Variants in PEPD observed in about 807,000 individuals in gnomAD.
The protein encoded by PEPD is peptidase D.
A neutral mutation model predicts 60.7 loss-of-function variants in PEPD; 53 were observed. The ratio of observed to expected loss-of-function variants is 0.87; its 90% confidence interval spans 0.70 to 1.10. PEPD has a LOEUF of 1.10. PEPD is among the 50% of genes least tolerant of loss of function. PEPD has a pLI of 0.00. For synonymous variants in PEPD, 267 were observed against 284.1 expected (o/e 0.94, Z 0.60); for missense variants, 711 against 711.9 (o/e 1.00, Z 0.01).
rs189519296 is a variant in PEPD at position 33,482,172 on chromosome 19, G to A, written c.504-4082C>T. ...CACACCCAAATTCCTTGCGAATAGA[G>A]ACAAAAATTTTTCAACAAAACACTA... On this transcript the variant is annotated intron_variant, in intron 6 of 14. Coordinates refer to ENST00000244137, the MANE Select transcript of PEPD (RefSeq NM_000285.4). 5.3e-5 allele frequency among the ~76,000 whole-genome samples: 8 copies of A among 152,202 alleles called. No individual in the cohort carries two copies. In the East Asian group the frequency reaches 1.5e-3, roughly 29 times the overall value.
chr19:33,488,705 C>T (rs1483126791), intron 6 of PEPD, among the ~76,000 whole-genome samples: 1 of 152,164 alleles, frequency 6.6e-6, no homozygotes, highest in African/African-American at 2.4e-5. Flanking sequence ...CGCCCCACTG[C>T]TCTTAGCATA....
intron 9 of PEPD, among the ~76,000 whole-genome samples, chr19:33,449,240 C>T (rs150761903): frequency 6.0e-4 from 92 of 152,346 alleles, no homozygotes; most frequent in African/African-American, 2.0e-3. Context: ...CCTCTGGGGT[C>T]GCCCATCTTG....
At chr19:33,437,686 C>T (rs1385405271) in intron 9 of PEPD, among the ~76,000 whole-genome samples, 1 of 152,190 alleles carries the variant, frequency 6.6e-6, no homozygotes, top group Non-Finnish European at 1.5e-5. Flanking sequence ...CTGCTAAGTG[C>T]AGAGAGCCCG....
chr19:33,473,800 T>C (rs1035160997), intron 7 of PEPD, among the ~76,000 whole-genome samples: 2 of 152,194 alleles, frequency 1.3e-5, no homozygotes, highest in African/African-American at 4.8e-5. Flanking sequence ...CAAACTGCAC[T>C]ACCCAGCACA....
At chr19:33,499,052 TGAA>T (rs2145332581) in intron 4 of PEPD, among the ~76,000 whole-genome samples, 1 of 152,200 alleles carries the variant, frequency 6.6e-6, no homozygotes, top group East Asian at 1.9e-4. Flanking sequence ...AAAACGAGAA[TGAA>T]GGAGTAGGTG....
chr19:33,413,026 C>A (rs1285339453), intron 10 of PEPD, among the ~76,000 whole-genome samples: 4 of 152,226 alleles, frequency 2.6e-5, no homozygotes, highest in African/African-American at 9.6e-5. Flanking sequence ...CACACCCAAG[C>A]GCACACACCC....
intron 3 of PEPD, 143 bp from the exon 4 acceptor site, chr19:33,501,144 G>C (rs539434691): frequency 1.4e-6 from 1 of 716,382 alleles, no homozygotes; most frequent in Non-Finnish European, 2.6e-6. Flanking sequence ...ACCCGGCACC[G>C]AACAGGTCGG....
At chr19:33,405,838 C>T (rs138414466) in intron 11 of PEPD, among the ~76,000 whole-genome samples, 12 of 152,350 alleles carry the variant, frequency 7.9e-5, no homozygotes, top group East Asian at 1.9e-4. Flanking sequence ...TCCAGGGCCT[C>T]GGCAGACAGG....
chr19:33,507,570 T>C (rs1480749682), intron 3 of PEPD, among the ~76,000 whole-genome samples: 1 of 152,104 alleles, frequency 6.6e-6, no homozygotes, highest in Non-Finnish European at 1.5e-5. Context: ...TGGATTGCAG[T>C]ATCTGCCAGA....
intron 7 of PEPD, among the ~76,000 whole-genome samples, chr19:33,471,273 A>C (rs1403901648): frequency 6.6e-6 from 1 of 152,092 alleles, no homozygotes; most frequent in African/African-American, 2.4e-5. Context: ...TCCGTAGGGC[A>C]CTCTGGGCCT....
At chr19:33,418,293 C>G (rs1968934032) in intron 9 of PEPD, among the ~76,000 whole-genome samples, 1 of 152,230 alleles carries the variant, frequency 6.6e-6, no homozygotes, top group Non-Finnish European at 1.5e-5. Flanking sequence ...ACACCACTTA[C>G]TAAGGGAAAA....
chr19:33,392,452 G>T (rs1345865745), intron 12 of PEPD, among the ~76,000 whole-genome samples: 1 of 152,228 alleles, frequency 6.6e-6, no homozygotes, highest in Non-Finnish European at 1.5e-5. Context: ...ACTCGAGGCC[G>T]GTGAGGCCTC....
chr19:33,408,718 G>A (rs1052376713), intron 11 of PEPD, among the ~76,000 whole-genome samples: 7 of 152,354 alleles, frequency 4.6e-5, no homozygotes, highest in Admixed American at 3.3e-4. Context: ...GCTCTGGGAG[G>A]CGCTCGGCTT....
chr19:33,426,071 C>T (rs536064206), intron 9 of PEPD, among the ~76,000 whole-genome samples: 4 of 152,350 alleles, frequency 2.6e-5, no homozygotes, highest in Non-Finnish European at 4.4e-5. Flanking sequence ...CCTCCCACCT[C>T]GGCCTCCCAA....
chr19:33,407,218 A>G (rs151058036), intron 11 of PEPD, among the ~76,000 whole-genome samples: 2 of 152,314 alleles, frequency 1.3e-5, no homozygotes, highest in Non-Finnish European at 2.9e-5. Flanking sequence ...TCCCAACCAG[A>G]GCCCTCCACC....
Position 33,476,038 on chromosome 19 carries a change from T to C in PEPD, c.548+2008A>G, listed in dbSNP as rs190015805. Reference sequence around the variant, plus strand: ...CCGTGTTAGGCTAATTTTTTAAAATTTTGTTTTTGTAGAGATGGGATCTCT... The same window carrying C: ...CCGTGTTAGGCTAATTTTTTAAAATCTTGTTTTTGTAGAGATGGGATCTCT... On this transcript the variant is annotated intron_variant, in intron 7 of 14. Transcript: ENST00000244137. Among the ~76,000 whole-genome samples, 537 of 152,278 alleles carry C rather than the reference T, an allele frequency of 3.5e-3. 2 individuals carry two copies. Among genetic ancestry groups the C allele is most frequent in the African/African-American group, 0.012 (513 of 41,552 alleles).
intron 1 of PEPD, among the ~76,000 whole-genome samples, chr19:33,521,215 A>C (rs1431079342): frequency 6.6e-6 from 1 of 152,240 alleles, no homozygotes. Flanking sequence ...GATAAAGAAC[A>C]AGTACAAACA....
intron 13 of PEPD, among the ~76,000 whole-genome samples, chr19:33,390,021 C>T (rs556487243): frequency 8.2e-4 from 125 of 152,380 alleles, no homozygotes; most frequent in African/African-American, 2.8e-3. Context: ...CGCCCATGCT[C>T]GCCTCTGCCT....
chr19:33,464,015 T>C lies in PEPD; in HGVS notation c.596A>G (p.Asn199Ser), dbSNP rs533937837. ...DMELEVLRYT[N>S]KISSEAHREV... The stretch of plus-strand genomic sequence containing the variant: ...ACGGTGGGCCTCGCTGGAGATTTTA[T>C]TGGTATAGCGCAGAACCTCCAGCTC... The change falls in exon 8 of 15, where the codon AAT (asparagine) becomes AGT (serine). Residue 199 changes from asparagine (N) to serine (S), a missense_variant. Physicochemically the swap from Asn to Ser is conservative, Grantham distance 46. Transcript: ENST00000244137. The C allele has an allele frequency of 2.9e-5, 46 of 1,613,040 alleles. No individual in the cohort carries two copies. Among genetic ancestry groups the C allele is most frequent in the Admixed American group, 2.2e-4 (13 of 59,958 alleles).
Sources: allele counts gnomAD v4.1 joint callset (sites outside exome capture counted in the v4.1 genomes callset), GRCh38; gene constraint gnomAD v4.1.1; transcripts MANE v1.5; gene names NCBI Gene and HGNC (gene_info 2026-07-23, HGNC 2026-07-21).